The following ADAM2 variants were observed in gnomAD, a reference collection of about 807,000 sequenced individuals.
The protein encoded by ADAM2 is ADAM metallopeptidase domain 2, also known as disintegrin and metalloproteinase domain-containing protein 2.
ADAM2 carries 101 observed loss-of-function variants against 99.3 expected under a neutral mutation model. The ratio of observed to expected loss-of-function variants is 1.02; its 90% CI spans 0.87 to 1.20. ADAM2 has a LOEUF of 1.20. ADAM2 is among the 50% of genes most tolerant of loss of function. The pLI, the probability that ADAM2 is intolerant of heterozygous loss-of-function variation, is 0.00. For missense variants in ADAM2, 948 were observed against 878.7 expected (o/e 1.08, Z -1.00); for synonymous variants, 323 against 287.6 (o/e 1.12, Z -1.25).
intron 12 of ADAM2, among the ~76,000 whole-genome samples, chr8:39,769,016 C>T (rs1481315913): frequency 6.6e-6 from 1 of 152,030 alleles, no homozygotes; most frequent in Non-Finnish European, 1.5e-5. Context: ...AAATAAAATG[C>T]TATGGTGAGA....
rs1471828058 is a variant in ADAM2, at chr8:39,788,066, A to G, written c.809+19T>C. The G allele has an allele frequency of 7.0e-7, 1 of 1,420,322 alleles. No individual in the cohort carries two copies. The highest frequency in any genetic ancestry group is 9.3e-7 in the Non-Finnish European group (1 of 1,078,086). 88.0% of individuals were successfully genotyped at this position (1,420,322 alleles called of 1,614,324 possible). ...AATTTTCTTCAGATAAACTTTATATAATGTCAAGATATCCTTACACAAGTA... is the reference window on the plus strand; with the variant it reads ...AATTTTCTTCAGATAAACTTTATATGATGTCAAGATATCCTTACACAAGTA... On this transcript the variant is annotated intron_variant, in intron 9 of 20. Transcript: ENST00000265708.
At chr8:39,773,447 T>G (rs1028199268) in intron 11 of ADAM2, among the ~76,000 whole-genome samples, 1 of 151,696 alleles carries the variant, frequency 6.6e-6, no homozygotes, top group South Asian at 2.1e-4. Context: ...AGATAGGCCA[T>G]GGGAAAGAGT....
chr8:39,815,794 AG>A (rs1804916257), intron 6 of ADAM2, among the ~76,000 whole-genome samples: 1 of 152,210 alleles, frequency 6.6e-6, no homozygotes, highest in South Asian at 2.1e-4. Flanking sequence ...GAACAGAATG[AG>A]AAAAGATATG....
chr8:39,805,984 A>G (rs1382695136), intron 7 of ADAM2, among the ~76,000 whole-genome samples: 1 of 152,202 alleles, frequency 6.6e-6, no homozygotes, highest in Non-Finnish European at 1.5e-5. Context: ...AGTAGCATCC[A>G]TGCTCAGGGG....
chr8:39,758,742 A>G (rs1403787870), intron 15 of ADAM2, among the ~76,000 whole-genome samples: 1 of 152,090 alleles, frequency 6.6e-6, no homozygotes, highest in Admixed American at 6.5e-5. Flanking sequence ...TGTGCTAGAA[A>G]AATTTGGAAG....
At chr8:39,824,142 G>A (rs1298395114) in intron 4 of ADAM2, among the ~76,000 whole-genome samples, 1 of 151,936 alleles carries the variant, frequency 6.6e-6, no homozygotes, top group African/African-American at 2.4e-5. Flanking sequence ...AATTAGCCGG[G>A]CATGGTGACA....
intron 10 of ADAM2, among the ~76,000 whole-genome samples, chr8:39,781,990 G>T (rs943136987): frequency 2.6e-5 from 4 of 152,162 alleles, no homozygotes; most frequent in Non-Finnish European, 5.9e-5. Flanking sequence ...TAAATAAGTT[G>T]TTATGAAGCA....
Position 39,836,158 on chromosome 8 carries a change from C to T in ADAM2, c.132+978G>A, listed in dbSNP as rs1805813598. On this transcript the variant is annotated intron_variant, in intron 2 of 20. Transcript: ENST00000265708. ...TAGGCAAGAAGAATACAGACATTAA[C>T]AAAATAGACAATTTTTTCCTCATGA... Among the ~76,000 whole-genome samples, 3 of 152,006 alleles carry T rather than the reference C, an allele frequency of 2.0e-5. 1 individual carries two copies. In the South Asian group the frequency reaches 6.2e-4, roughly 32 times the overall value.
chr8:39,782,748 T>C (rs1307954949), intron 10 of ADAM2, among the ~76,000 whole-genome samples: 1 of 152,176 alleles, frequency 6.6e-6, no homozygotes, highest in African/African-American at 2.4e-5. Flanking sequence ...ATAATTTGTT[T>C]TTTCAGCTTT....
intron 9 of ADAM2, among the ~76,000 whole-genome samples, chr8:39,787,881 T>G (rs1395320900): frequency 2.0e-5 from 3 of 151,686 alleles, no homozygotes; most frequent in Non-Finnish European, 3.0e-5. Context: ...GGAACAAGAT[T>G]GGGGAGTGAG....
rs372064697 is a variant in ADAM2 at position 39,747,887 on chromosome 8, CA to C, written c.2015-1257del. 7.7e-3 allele frequency among the ~76,000 whole-genome samples: 1,173 copies of C among 152,270 alleles called. 7 individuals carry two copies. The highest frequency in any genetic ancestry group is 0.014 in the Non-Finnish European group (943 of 68,016). On this transcript the variant is annotated intron_variant, in intron 18 of 20. Coordinates refer to ENST00000265708, the MANE Select transcript of ADAM2 (RefSeq NM_001464.5). ...CCAACTTCAACATGTACTAAGACTT[CA>C]ATAGTTTCCTGCCTTTCTGTCTTCC...
At chr8:39,782,684 G>A (rs1038748934) in intron 10 of ADAM2, among the ~76,000 whole-genome samples, 2 of 152,030 alleles carry the variant, frequency 1.3e-5, no homozygotes, top group African/African-American at 2.4e-5. Flanking sequence ...TCTTATATGT[G>A]TAATGTCTAT....
chr8:39,818,056 A>G (rs1023870264), intron 6 of ADAM2: 2 of 152,036 alleles, frequency 1.3e-5, no homozygotes. Context: ...TAGAGGAGAC[A>G]ACACTTCCCA....
At chr8:39,775,089 A>G (rs1315339894) in intron 11 of ADAM2, among the ~76,000 whole-genome samples, 20 of 152,144 alleles carry the variant, frequency 1.3e-4, no homozygotes, top group Admixed American at 1.3e-3. Context: ...GAAAATGTAC[A>G]GAATATCTTA....
chr8:39,825,187 C>G (rs900981985), intron 3 of ADAM2, among the ~76,000 whole-genome samples: 1 of 152,158 alleles, frequency 6.6e-6, no homozygotes, highest in African/African-American at 2.4e-5. Flanking sequence ...CAACATAGTT[C>G]ATTGTTCTCC....
chr8:39,807,715 C>T (rs1020268548), intron 7 of ADAM2, among the ~76,000 whole-genome samples: 8 of 152,122 alleles, frequency 5.3e-5, no homozygotes, highest in Non-Finnish European at 1.0e-4. Flanking sequence ...AGATTTCCAA[C>T]ATCCAGAATA....
intron 1 of ADAM2, 98 bp downstream of exon 1, chr8:39,838,033 A>T (rs1805910336): frequency 2.9e-6 from 4 of 1,369,120 alleles, no homozygotes; most frequent in Non-Finnish European, 2.1e-6. Context: ...GAAACCCCTC[A>T]GGAAAGCATC....
At chr8:39,794,278 G>C (rs1357215916) in intron 7 of ADAM2, among the ~76,000 whole-genome samples, 1 of 152,120 alleles carries the variant, frequency 6.6e-6, no homozygotes, top group East Asian at 1.9e-4. Context: ...AGGATCTCTA[G>C]TTAATTGACT....
intron 7 of ADAM2, among the ~76,000 whole-genome samples, chr8:39,794,688 C>T (rs1586112650): frequency 6.6e-6 from 1 of 152,042 alleles, no homozygotes; most frequent in African/African-American, 2.4e-5. Flanking sequence ...ATGCAGCCCC[C>T]AGTCACATAC....
Sources: gnomAD v4.1 joint callset for allele counts (sites outside exome capture counted in the v4.1 genomes callset) on GRCh38, gnomAD v4.1.1 for gene constraint, MANE v1.5 for transcripts, NCBI Gene and HGNC (gene_info 2026-07-23, HGNC 2026-07-21) for gene names.